Variants in ZNF234 observed in about 807,000 individuals in gnomAD.
ZNF234 encodes C2-H2 type zinc finger protein.
ZNF234 carries 4 observed loss-of-function variants against 10.3 expected under a neutral mutation model. The ratio of observed to expected loss-of-function variants is 0.39; its 90% CI spans 0.19 to 0.89. ZNF234 has a LOEUF of 0.89. ZNF234 is among the 40% of genes least tolerant of loss of function. The pLI, the probability that ZNF234 is intolerant of heterozygous loss-of-function variation, is 0.38. For missense variants in ZNF234, 711 were observed against 836.1 expected (o/e 0.85, Z 1.85); for synonymous variants, 258 against 280.1 (o/e 0.92, Z 0.79).
chr19:44,146,977 G>A (rs1018450452), intron 3 of ZNF234, among the ~76,000 whole-genome samples: 1 of 150,672 alleles, frequency 6.6e-6, no homozygotes, highest in Non-Finnish European at 1.5e-5. Flanking sequence ...CACCATGCCT[G>A]GCTAATTTTT....
chr19:44,148,500 G>A (rs553027622), intron 3 of ZNF234, among the ~76,000 whole-genome samples: 77 of 152,282 alleles, frequency 5.1e-4, no homozygotes, highest in African/African-American at 1.7e-3. Context: ...GGCTCAGGAT[G>A]CGTCATTTAG....
Position 44,157,928 on chromosome 19 carries a change from CA to C in ZNF234, c.1914del (p.Gln638HisfsTer31). ...VCGKVFSRSS[Q>X]LQYHRRVHTG... The stretch of plus-strand genomic sequence containing the variant: ...TGGTAAAGTCTTCAGTCGGTCTTCA[CA>C]ATTACAGTATCATAGGCGAGTTCAC... On this transcript the variant is annotated frameshift_variant, in exon 6 of 6. Transcript: ENST00000426739. LOFTEE classifies it low-confidence loss of function (END_TRUNC). 6.2e-7 allele frequency: 1 copy of C among 1,614,090 alleles called. No homozygotes were observed. Among genetic ancestry groups the C allele is most frequent in the South Asian group, 1.1e-5 (1 of 91,080 alleles).
intron 3 of ZNF234, chr19:44,148,565 G>C: frequency 1.5e-6 from 1 of 681,912 alleles, no homozygotes. Flanking sequence ...GGAATTGAAG[G>C]CTATTGTTAC....
At chr19:44,142,926 A>G (rs1968499453) in intron 2 of ZNF234, among the ~76,000 whole-genome samples, 1 of 152,202 alleles carries the variant, frequency 6.6e-6, no homozygotes, top group Non-Finnish European at 1.5e-5. Context: ...TATATTACTT[A>G]TAAATGTTTT....
intron 2 of ZNF234, among the ~76,000 whole-genome samples, chr19:44,144,311 G>A (rs1219389756): frequency 6.6e-6 from 1 of 152,082 alleles, no homozygotes; most frequent in Non-Finnish European, 1.5e-5. Context: ...TGTTTCCAAG[G>A]TTCATGCATG....
Position 44,156,807 on chromosome 19 carries a change from A to T in ZNF234, c.791A>T (p.Glu264Val). 1 of 1,609,360 alleles carries T rather than the reference A, an allele frequency of 6.2e-7. No individual in the cohort carries two copies. The highest frequency in any genetic ancestry group is 8.5e-7 in the Non-Finnish European group (1 of 1,176,532). Residue 264 changes from glutamate to valine, a missense_variant, in exon 6 of 6, where the codon GAA becomes GTA. Physicochemically the swap from Glu to Val is moderately radical, Grantham distance 121. Transcript: ENST00000426739. Reference sequence around the variant, plus strand: ...GGAGAGAAACCTTACAATTGTGAGGAATGTGGAAGGGCCTTCATACATGCT... The same window carrying T: ...GGAGAGAAACCTTACAATTGTGAGGTATGTGGAAGGGCCTTCATACATGCT... ...HSGEKPYNCE[E>V]CGRAFIHASH...
chr19:44,158,404 T>G lies in ZNF234; in HGVS notation c.*285T>G, dbSNP rs913571051. 1.8e-5 allele frequency: 7 copies of G among 388,638 alleles called. No homozygotes were observed. Among genetic ancestry groups the G allele is most frequent in the African/African-American group, 1.3e-4 (6 of 47,914 alleles). 24.1% of individuals were successfully genotyped at this position (388,638 alleles called of 1,614,324 possible). ...GATTACAGGTGCACACCACCACGCC[T>G]GGCTAATTTTTGTATTTTTAGTAGA... On this transcript the variant is annotated 3_prime_UTR_variant, in exon 6 of 6. Transcript: ENST00000426739.
At chr19:44,148,368 G>T (rs948379920) in intron 3 of ZNF234, among the ~76,000 whole-genome samples, 5 of 152,186 alleles carry the variant, frequency 3.3e-5, no homozygotes, top group African/African-American at 9.6e-5. Context: ...AATGAAAAGG[G>T]ATAGCATCCA....
rs770086304 is a variant in ZNF234, at chr19:44,157,665, G to C, written c.1649G>C (p.Ser550Thr). Reference protein sequence around the residue: ...FKCEECGKSFSRSAHLQAHQK... With the variant: ...FKCEECGKSFTRSAHLQAHQK... ...TGTGAAGAGTGTGGGAAGAGCTTCAGTCGGAGTGCACACCTTCAAGCCCAT... is the reference window on the plus strand; with the variant it reads ...TGTGAAGAGTGTGGGAAGAGCTTCACTCGGAGTGCACACCTTCAAGCCCAT... The change falls in exon 6 of 6, where the codon AGT (serine) becomes ACT (threonine). Residue 550 changes from serine (S) to threonine (T), a missense_variant. Ser to Thr is a moderately conservative substitution (Grantham distance 58). Coordinates refer to ENST00000426739, the MANE Select transcript of ZNF234 (RefSeq NM_006630.3). 3 of 1,613,968 alleles carry C rather than the reference G, an allele frequency of 1.9e-6. No homozygotes were observed. The highest frequency in any genetic ancestry group is 2.5e-6 in the Non-Finnish European group (3 of 1,179,992).
At chr19:44,143,683 G>T (rs532173745) in intron 2 of ZNF234, among the ~76,000 whole-genome samples, 2 of 151,464 alleles carry the variant, frequency 1.3e-5, no homozygotes, top group Non-Finnish European at 2.9e-5. Context: ...GTGGTAGTGC[G>T]CGCCTGTAAT....
At chr19:44,149,001 G>A in intron 4 of ZNF234, 104 bp downstream of exon 4, 1 of 1,378,084 alleles carries the variant, frequency 7.3e-7, no homozygotes, top group Non-Finnish European at 9.8e-7. Context: ...GCCTACATTT[G>A]TAGACCTGAC....
chr19:44,145,612 G>A (rs988128759), intron 3 of ZNF234, among the ~76,000 whole-genome samples: 5 of 152,050 alleles, frequency 3.3e-5, no homozygotes, highest in African/African-American at 7.2e-5. Flanking sequence ...GGCTAGTCTC[G>A]AACTCCTAAC....
At position 44,156,676 on chromosome 19, in the gene ZNF234, A is replaced by G. The variant is rs771224996; in HGVS notation, c.660A>G (p.Gln220=). The change falls in exon 6 of 6, where the codon CAA becomes CAG. Residue 220 remains glutamine, a synonymous_variant. Coordinates refer to ENST00000426739, the MANE Select transcript of ZNF234 (RefSeq NM_006630.3). ...GKEFSQSSHL[Q]THQRVHTVEK... ...AATTTAGTCAGAGCTCACATCTTCA[A>G]ACTCATCAGAGAGTCCACACTGTAG... The G allele has an allele frequency of 1.5e-5, 24 of 1,614,058 alleles. No homozygotes were observed. In the Admixed American group the frequency reaches 3.3e-4, roughly 22 times the overall value.
In ZNF234 at chr19:44,146,677, T is replaced by C. The variant is rs191921010; in HGVS notation, c.15+2030T>C. 3.3e-5 allele frequency among the ~76,000 whole-genome samples: 5 copies of C among 152,314 alleles called. No homozygotes were observed. In the East Asian group the frequency reaches 9.6e-4, roughly 29 times the overall value. ...AATTCATAATAAACATTGGTATTCATTTATAATCAAGTAAGTAAGAATAAT... is the reference window on the plus strand; with the variant it reads ...AATTCATAATAAACATTGGTATTCACTTATAATCAAGTAAGTAAGAATAAT... On this transcript the variant is annotated intron_variant, in intron 3 of 5. Coordinates refer to ENST00000426739, the MANE Select transcript of ZNF234 (RefSeq NM_006630.3).
intron 3 of ZNF234, 45 bp from the exon 4 acceptor site, chr19:44,148,726 A>G (rs748488913): frequency 6.5e-5 from 105 of 1,610,080 alleles, no homozygotes; most frequent in Non-Finnish European, 8.5e-5. Flanking sequence ...TTTCTTTTCA[A>G]GAGTTTGTTA....
At chr19:44,155,615 G>A (rs188792826) in intron 5 of ZNF234, among the ~76,000 whole-genome samples, 7 of 151,926 alleles carry the variant, frequency 4.6e-5, no homozygotes, top group South Asian at 2.1e-4. Flanking sequence ...GTTGTTCAAC[G>A]GTCAACTGTA....
chr19:44,155,686 C>T (rs1968861003), intron 5 of ZNF234, among the ~76,000 whole-genome samples: 2 of 152,026 alleles, frequency 1.3e-5, no homozygotes, highest in Admixed American at 1.3e-4. Flanking sequence ...GTAACATGAA[C>T]CTAAACTGCA....
At chr19:44,142,767 T>C (rs1382575156) in intron 2 of ZNF234, among the ~76,000 whole-genome samples, 1 of 152,198 alleles carries the variant, frequency 6.6e-6, no homozygotes, top group East Asian at 1.9e-4. Context: ...ATTACAAATA[T>C]TTCACATTCT....
intron 2 of ZNF234, among the ~76,000 whole-genome samples, chr19:44,142,662 G>A (rs946460809): frequency 2.6e-5 from 4 of 152,146 alleles, no homozygotes; most frequent in Admixed American, 1.3e-4. Context: ...GGTGGGGAAA[G>A]TAAGTTAGAA....
Sources: gnomAD v4.1 joint callset for allele counts (sites outside exome capture counted in the v4.1 genomes callset) on GRCh38, gnomAD v4.1.1 for gene constraint, MANE v1.5 for transcripts, NCBI Gene and HGNC (gene_info 2026-07-23, HGNC 2026-07-21) for gene names.